The following ABCB10 variants were observed in gnomAD, a reference collection of about 807,000 sequenced individuals.
ABCB10 encodes ATP binding cassette subfamily B member 10, also known as ATP-binding cassette sub-family B member 10, mitochondrial.
ABCB10 carries 54 observed loss-of-function variants against 65.4 expected under a neutral mutation model. That is an observed-to-expected ratio of 0.83 (90% CI 0.66 to 1.04). The LOEUF (loss-of-function observed/expected upper bound fraction) is 1.04. ABCB10 is among the 50% of genes least tolerant of loss of function. The probability of loss-of-function intolerance (pLI) is 0.00; values close to 1 mark genes in which losing one functional copy is unlikely to be tolerated. For synonymous variants in ABCB10, 418 were observed against 406.5 expected (o/e 1.03, Z -0.34); for missense variants, 846 against 976.6 (o/e 0.87, Z 1.78).
At chr1:229,523,095 C>T (rs1055665488) in intron 10 of ABCB10, among the ~76,000 whole-genome samples, 8 of 152,162 alleles carry the variant, frequency 5.3e-5, no homozygotes, top group African/African-American at 1.9e-4. Flanking sequence ...ATGTATGACA[C>T]TGAAAATTAC....
intron 2 of ABCB10, among the ~76,000 whole-genome samples, chr1:229,548,000 T>TA (rs1044869493): frequency 6.6e-6 from 1 of 151,560 alleles, no homozygotes; most frequent in Non-Finnish European, 1.5e-5. Flanking sequence ...TTTTTATTTT[T>TA]ACTTTTTTTT....
Position 229,531,947 on chromosome 1 carries a change from G to GTTTT in ABCB10, c.1340-220_1340-217dup, listed in dbSNP as rs34289048. On this transcript the variant is annotated intron_variant, in intron 6 of 12. Transcript: ENST00000344517. ...TGGCTTCTCCTCCTCCAGTTTCATA[G>GTTTT]TTTTTTTTTTTTTTTTTTTTTTTGA... The GTTTT allele has an allele frequency of 1.3e-3, 178 of 132,678 alleles. 1 individual carries two copies. The highest frequency in any genetic ancestry group is 2.8e-3 in the South Asian group (20 of 7,220). 8.2% of individuals were successfully genotyped at this position (132,678 alleles called of 1,614,324 possible). A position where few individuals can be genotyped will look rare whatever the true frequency, so the allele number is the denominator to read the frequency against.
intron 9 of ABCB10, 128 bp from the exon 10 acceptor site, chr1:229,526,244 C>A: frequency 1.0e-6 from 1 of 963,138 alleles, no homozygotes; most frequent in Non-Finnish European, 1.5e-6. Context: ...ATCTGTAGTT[C>A]TCACCATGCT....
intron 3 of ABCB10, 73 bp downstream of exon 3, chr1:229,547,426 G>A (rs1001670022): frequency 8.4e-6 from 13 of 1,541,716 alleles, no homozygotes; most frequent in South Asian, 3.4e-5. Flanking sequence ...GCTTGAGCTC[G>A]TCTCACACGT....
At chr1:229,550,193 C>T (rs947538809) in intron 1 of ABCB10, among the ~76,000 whole-genome samples, 5 of 152,094 alleles carry the variant, frequency 3.3e-5, no homozygotes, top group Admixed American at 1.3e-4. Flanking sequence ...ATTGTTCATG[C>T]ACCTAAAAAA....
Position 229,547,584 on chromosome 1 carries a change from G to C in ABCB10, c.836C>G (p.Thr279Ser). 6.2e-7 allele frequency: 1 copy of C among 1,614,154 alleles called. No individual in the cohort carries two copies. Among genetic ancestry groups the C allele is most frequent in the Non-Finnish European group, 8.5e-7 (1 of 1,179,986 alleles). The change falls in exon 3 of 13, where the codon ACT (threonine) becomes AGT (serine). Residue 279 changes from threonine to serine, a missense_variant. By Grantham distance (58) the Thr-to-Ser change is moderately conservative (BLOSUM62 1). This residue lies in a region of ABCB10 where 632 missense variants were observed against 803.2 expected (regional missense o/e 0.79). Transcript: ENST00000344517. ...GELINRLSSD[T>S]ALLGRSVTEN... The stretch of plus-strand genomic sequence containing the variant: ...AGTCACTGAGCGCCCCAGGAGTGCA[G>C]TGTCTGATGAGAGGCGGTTAATCAA...
chr1:229,555,821 T>A (rs1001999126), intron 1 of ABCB10, among the ~76,000 whole-genome samples: 3 of 152,194 alleles, frequency 2.0e-5, no homozygotes, highest in Non-Finnish European at 4.4e-5. Context: ...TTACACATTT[T>A]TTTTTAATTA....
intron 8 of ABCB10, among the ~76,000 whole-genome samples, chr1:229,528,382 C>T (rs1427895449): frequency 1.3e-5 from 2 of 150,942 alleles, no homozygotes; most frequent in African/African-American, 2.4e-5. Flanking sequence ...CCAAGCAGGT[C>T]TCAAACTCCC....
At chr1:229,552,129 T>C (rs575885452) in intron 1 of ABCB10, among the ~76,000 whole-genome samples, 1 of 152,370 alleles carries the variant, frequency 6.6e-6, no homozygotes, top group Admixed American at 6.5e-5. Context: ...TACTTTTTAA[T>C]AATCATTTAA....
chr1:229,526,235 T>A, intron 9 of ABCB10, 119 bp from the exon 10 acceptor site: 1 of 1,032,104 alleles, frequency 9.7e-7, no homozygotes, highest in South Asian at 1.8e-5. Flanking sequence ...GATTTTATCA[T>A]CTGTAGTTCT....
intron 2 of ABCB10, 132 bp downstream of exon 2, chr1:229,549,102 C>T (rs1383627602): frequency 1.1e-5 from 10 of 911,534 alleles, no homozygotes; most frequent in Admixed American, 2.2e-5. Context: ...GACTCTATCC[C>T]CACTTAATGG....
intron 10 of ABCB10, 31 bp downstream of exon 10, chr1:229,525,905 G>T (rs761906493): frequency 6.3e-7 from 1 of 1,575,148 alleles, no homozygotes; most frequent in Admixed American, 1.9e-5. Context: ...TGGATATAGA[G>T]ACTTTGCTAC....
rs79764159 is a variant in ABCB10, at chr1:229,530,611, A to C, written c.1436-203T>G. On this transcript the variant is annotated intron_variant, in intron 7 of 12. Coordinates refer to ENST00000344517, the MANE Select transcript of ABCB10 (RefSeq NM_012089.3). The stretch of plus-strand genomic sequence containing the variant: ...ACTCTGCACCTACTATGTCCAAGGT[A>C]CTATATACGTAGACGGTCTTACTTG... 3.5e-4 allele frequency among the ~76,000 whole-genome samples: 54 copies of C among 152,322 alleles called. 1 individual carries two copies. In the East Asian group the frequency reaches 9.1e-3, roughly 26 times the overall value.
intron 11 of ABCB10, among the ~76,000 whole-genome samples, chr1:229,519,971 T>A (rs28473174): frequency 0.042 from 6,125 of 145,480 alleles, 432 homozygotes; most frequent in African/African-American, 0.14. Context: ...ACCAAAAAAA[T>A]TTTTTTTTAA....
intron 6 of ABCB10, among the ~76,000 whole-genome samples, chr1:229,532,741 C>T (rs1662614803): frequency 6.6e-6 from 1 of 152,030 alleles, no homozygotes; most frequent in South Asian, 2.1e-4. Flanking sequence ...TAAGGCCAGG[C>T]CTGGTAGCAT....
intron 8 of ABCB10, 86 bp downstream of exon 8, chr1:229,530,113 G>T: frequency 1.5e-6 from 2 of 1,297,212 alleles, no homozygotes; most frequent in Non-Finnish European, 2.2e-6. Flanking sequence ...TAAGGTATTT[G>T]CATGGTTTGA....
chr1:229,516,631 T>C lies in ABCB10; in HGVS notation c.*1548A>G, dbSNP rs1163054530. 1 of 151,452 alleles carries C rather than the reference T, an allele frequency of 6.6e-6. No individual in the cohort carries two copies. Among genetic ancestry groups the C allele is most frequent in the African/African-American group, 2.4e-5 (1 of 41,298 alleles). The allele number at this position is 151,452 out of a possible 1,614,324, so 9.4% of individuals were successfully genotyped here. A position where few individuals can be genotyped will look rare whatever the true frequency, so the allele number is the denominator to read the frequency against. On this transcript the variant is annotated 3_prime_UTR_variant, in exon 13 of 13. Coordinates refer to ENST00000344517, the MANE Select transcript of ABCB10 (RefSeq NM_012089.3). ...TATGATATAAAATATTACCTAAAGA[T>C]AAAATTGAACATCATGTATCAGAAA...
At chr1:229,551,672 C>T (rs1267010080) in intron 1 of ABCB10, among the ~76,000 whole-genome samples, 10 of 152,144 alleles carry the variant, frequency 6.6e-5, no homozygotes, top group Admixed American at 2.0e-4. Flanking sequence ...ACGTAAAGCC[C>T]GGGGTCTTGT....
rs1242502940 is a variant in ABCB10, at chr1:229,530,216, A to G, written c.1628T>C (p.Leu543Ser). Reference protein sequence around the residue: ...KSTVLSLLLRLYDPASGTISL... With the variant: ...KSTVLSLLLRSYDPASGTISL... ...CTGCTTACCAGAAGCAGGGTCGTACAACCTCAGCAGGAGTGAAAGCACTGT... is the reference window on the plus strand; with the variant it reads ...CTGCTTACCAGAAGCAGGGTCGTACGACCTCAGCAGGAGTGAAAGCACTGT... The change falls in exon 8 of 13, where the codon TTG becomes TCG. Residue 543 changes from leucine (L) to serine (S), a missense_variant. Coordinates refer to ENST00000344517, the MANE Select transcript of ABCB10 (RefSeq NM_012089.3). 10 of 1,613,986 alleles carry G rather than the reference A, an allele frequency of 6.2e-6. No homozygotes were observed. Among genetic ancestry groups the G allele is most frequent in the Non-Finnish European group, 8.5e-6 (10 of 1,179,940 alleles).
Sources: allele counts gnomAD v4.1 joint callset (sites outside exome capture counted in the v4.1 genomes callset), GRCh38; gene constraint gnomAD v4.1.1; regional missense constraint gnomAD v4.1.1; transcripts MANE v1.5; gene names NCBI Gene and HGNC (gene_info 2026-07-23, HGNC 2026-07-21).